Variants in EIF4G3 observed in about 807,000 individuals in gnomAD.
EIF4G3 encodes eIF-4-gamma 3.
EIF4G3 carries 34 observed loss-of-function variants against 186.4 expected under a neutral mutation model. That is an observed-to-expected ratio of 0.18 (90% CI 0.14 to 0.24). The LOEUF is 0.24. Ranked by LOEUF, EIF4G3 falls within the 10% of genes least tolerant of loss-of-function variation. EIF4G3 has a pLI of 1.00. For missense variants in EIF4G3, 1,536 were observed against 1,948.5 expected, an observed-to-expected ratio of 0.79 and a Z score of 3.99; for synonymous variants, 673 against 679.5, an observed-to-expected ratio of 0.99 and a Z score of 0.15.
At chr1:21,168,071 C>T (rs1318391042) in intron 2 of EIF4G3, 3 of 470,058 alleles carry the variant, frequency 6.4e-6, no homozygotes, top group Non-Finnish European at 1.3e-5. Flanking sequence ...ACAAAAAGTT[C>T]ACTTATATTT....
chr1:21,107,103 ACTGT>A (rs1165450481), intron 2 of EIF4G3, among the ~76,000 whole-genome samples: 1 of 152,192 alleles, frequency 6.6e-6, no homozygotes, highest in Non-Finnish European at 1.5e-5. Flanking sequence ...AGCATCTAAC[ACTGT>A]CTGGCAGATA....
intron 14 of EIF4G3, among the ~76,000 whole-genome samples, chr1:20,919,269 C>T (rs1018662917): frequency 3.3e-5 from 5 of 152,166 alleles, no homozygotes; most frequent in Non-Finnish European, 7.3e-5. Context: ...AGAACAGTGG[C>T]TCAATCACGG....
chr1:21,165,199 AGAAAAACT>A (rs1227304378), intron 2 of EIF4G3, among the ~76,000 whole-genome samples: 1 of 152,252 alleles, frequency 6.6e-6, no homozygotes, highest in African/African-American at 2.4e-5. Flanking sequence ...GCAAGGATGC[AGAAAAACT>A]GAAATCCTCA....
At chr1:20,974,820 T>G (rs1184064382) in intron 10 of EIF4G3, among the ~76,000 whole-genome samples, 1 of 152,070 alleles carries the variant, frequency 6.6e-6, no homozygotes, top group East Asian at 1.9e-4. Context: ...CAGGATGGGA[T>G]CCAGTACACA....
intron 7 of EIF4G3, among the ~76,000 whole-genome samples, chr1:20,987,478 C>G (rs900592327): frequency 6.6e-6 from 1 of 152,152 alleles, no homozygotes; most frequent in African/African-American, 2.4e-5. Context: ...ACCATTTTTC[C>G]AACAGCATGT....
At chr1:20,902,943 G>A (rs2090873510) in intron 15 of EIF4G3, among the ~76,000 whole-genome samples, 1 of 152,166 alleles carries the variant, frequency 6.6e-6, no homozygotes, top group South Asian at 2.1e-4. Context: ...GCCCAGCCTT[G>A]TCTTAAACTA....
In EIF4G3 at chr1:20,942,226, T is replaced by G; in HGVS notation, c.928A>C (p.Thr310Pro). 1 of 1,614,168 alleles carries G rather than the reference T, an allele frequency of 6.2e-7. No homozygotes were observed. Among genetic ancestry groups the G allele is most frequent in the Middle Eastern group, 1.6e-4 (1 of 6,062 alleles). Residue 310 changes from threonine (T) to proline (P), a missense_variant, in exon 14 of 37, where the codon ACT (threonine) becomes CCT (proline). By Grantham distance (38) the Thr-to-Pro change is conservative (BLOSUM62 -1). Coordinates refer to ENST00000602326, the MANE Select transcript of EIF4G3 (RefSeq NM_001391906.1). ...KEQEGQTSET[T>P]AIVSIAELPL... is the part of the protein sequence containing the mutation. ...AGCTCTGCTATGGATACTATTGCAG[T>G]AGTTTCAGATGTCTGGCCTTCTTGT...
chr1:20,955,135 G>T (rs984366074), intron 12 of EIF4G3, among the ~76,000 whole-genome samples: 2 of 152,226 alleles, frequency 1.3e-5, no homozygotes, highest in Admixed American at 1.3e-4. Flanking sequence ...AGGCCTTACA[G>T]GCCAGACCAA....
At chr1:21,154,080 G>C (rs559551099) in intron 2 of EIF4G3, among the ~76,000 whole-genome samples, 1 of 152,306 alleles carries the variant, frequency 6.6e-6, no homozygotes, top group East Asian at 1.9e-4. Flanking sequence ...AGCAGAATTA[G>C]TATAAGTGCT....
At chr1:21,084,296 G>A (rs569981380) in intron 3 of EIF4G3, among the ~76,000 whole-genome samples, 55 of 151,926 alleles carry the variant, frequency 3.6e-4, no homozygotes, top group African/African-American at 1.2e-3. Flanking sequence ...CGTGGCTGGG[G>A]AAGCCCCAAG....
chr1:21,062,595 A>T (rs1286128924), intron 3 of EIF4G3, among the ~76,000 whole-genome samples: 6 of 152,094 alleles, frequency 3.9e-5, no homozygotes, highest in Non-Finnish European at 8.8e-5. Flanking sequence ...AGATATAGAT[A>T]TACCTATTTT....
Position 20,966,500 on chromosome 1 carries a change from GTCTC to G in EIF4G3, c.714+2970_714+2973del, listed in dbSNP as rs564984018. Among the ~76,000 whole-genome samples, 4 of 147,872 alleles carry G rather than the reference GTCTC, an allele frequency of 2.7e-5. No individual in the cohort carries two copies. The South Asian group carries it at 8.6e-4, about 32-fold the overall frequency. ...ATTTTTTTTTTTTTTTTGAGACACAGTCTCTCTCTGTTGCCCAGGCTGGAATGCA... is the reference window on the plus strand; with the variant it reads ...ATTTTTTTTTTTTTTTTGAGACACAGTCTCTGTTGCCCAGGCTGGAATGCA... On this transcript the variant is annotated intron_variant, in intron 12 of 36. Coordinates refer to ENST00000602326, the MANE Select transcript of EIF4G3 (RefSeq NM_001391906.1).
chr1:21,160,389 G>A (rs1043385103), intron 2 of EIF4G3, among the ~76,000 whole-genome samples: 2 of 152,098 alleles, frequency 1.3e-5, no homozygotes, highest in Admixed American at 1.3e-4. Flanking sequence ...AGCAATAAAT[G>A]TTGCAGACAA....
intron 10 of EIF4G3, among the ~76,000 whole-genome samples, chr1:20,979,240 G>T (rs2077475939): frequency 6.6e-6 from 1 of 151,924 alleles, no homozygotes; most frequent in South Asian, 2.1e-4. Flanking sequence ...AATAATCTTG[G>T]CAACCCAGCT....
At chr1:21,173,993 T>C (rs1435943474) in intron 2 of EIF4G3, among the ~76,000 whole-genome samples, 1 of 152,202 alleles carries the variant, frequency 6.6e-6, no homozygotes, top group Non-Finnish European at 1.5e-5. Context: ...CTACAACCTA[T>C]ACTTCCTTTA....
chr1:20,858,271 C>A (rs2075515739), intron 24 of EIF4G3, among the ~76,000 whole-genome samples: 1 of 152,202 alleles, frequency 6.6e-6, no homozygotes, highest in Non-Finnish European at 1.5e-5. Context: ...CTGGCTCCTG[C>A]TGCCTCTAAG....
intron 3 of EIF4G3, among the ~76,000 whole-genome samples, chr1:21,053,479 G>C (rs1348646475): frequency 1.4e-4 from 21 of 147,258 alleles, no homozygotes; most frequent in African/African-American, 5.3e-4. Context: ...GCCTCTGCCC[G>C]GCCGCCCCTA....
At chr1:20,894,519 A>G (rs1050294511) in intron 17 of EIF4G3, among the ~76,000 whole-genome samples, 2 of 152,240 alleles carry the variant, frequency 1.3e-5, no homozygotes, top group Admixed American at 1.3e-4. Context: ...CATCTTTACT[A>G]ACCCATTTAT....
intron 2 of EIF4G3, among the ~76,000 whole-genome samples, chr1:21,097,191 G>C (rs906172254): frequency 6.6e-6 from 1 of 152,102 alleles, no homozygotes; most frequent in Non-Finnish European, 1.5e-5. Flanking sequence ...AAGGATACAC[G>C]ATCTTTCCAA....
Sources: allele counts gnomAD v4.1 joint callset (sites outside exome capture counted in the v4.1 genomes callset), GRCh38; gene constraint gnomAD v4.1.1; transcripts MANE v1.5; gene names NCBI Gene and HGNC (gene_info 2026-07-23, HGNC 2026-07-21).